Variants in TMEM132D observed in about 807,000 individuals in gnomAD.
The protein encoded by TMEM132D is transmembrane protein 132D.
TMEM132D carries 21 observed loss-of-function variants against 62.3 expected under a neutral mutation model. The observed-to-expected ratio is 0.34, with a 90% CI of 0.24 to 0.49. The LOEUF (loss-of-function observed/expected upper bound fraction) is 0.49, where lower values mean the gene tolerates loss of function less well. Ranked by LOEUF, TMEM132D falls within the 20% of genes least tolerant of loss-of-function variation. The probability of loss-of-function intolerance (pLI) is 0.99; values close to 1 mark genes in which losing one functional copy is unlikely to be tolerated. For missense variants in TMEM132D, 1,346 were observed against 1,402.8 expected, an observed-to-expected ratio of 0.96 and a Z score of 0.65; for synonymous variants, 621 against 575.6, an observed-to-expected ratio of 1.08 and a Z score of -1.13.
intron 5 of TMEM132D, among the ~76,000 whole-genome samples, chr12:129,089,314 ATGACCGGGTGTCCTCCC>A (rs1874807328): frequency 2.7e-5 from 1 of 36,608 alleles, no homozygotes; most frequent in Non-Finnish European, 4.2e-5. Context: ...GGTGTCCTCC[ATGACCGGGTGTCCTCCC>A]TGACCGGGAT....
rs750428688 is a variant in TMEM132D at position 129,209,541 on chromosome 12, C to T, written c.1422G>A (p.Ser474=). The T allele has an allele frequency of 7.6e-6, 12 of 1,569,408 alleles. No individual in the cohort carries two copies. The highest frequency in any genetic ancestry group is 4.5e-5 in the South Asian group (4 of 89,336). The change falls in exon 5 of 9, where the codon TCG becomes TCA. Residue 474 remains serine (S), a synonymous_variant. Transcript: ENST00000422113. ...TTGCCTTAATCACGTCTTCATCAGA[C>T]GATCTACACTCCACAGACTCCAGCA... ...TELLESVECR[S]SDEDVIKVSD...
chr12:129,795,491 C>A (rs969203718), intron 1 of TMEM132D, among the ~76,000 whole-genome samples: 1 of 152,170 alleles, frequency 6.6e-6, no homozygotes, highest in African/African-American at 2.4e-5. Context: ...AACAGTATTT[C>A]GTGGTGCCAA....
At chr12:129,149,786 G>T (rs955765658) in intron 5 of TMEM132D, among the ~76,000 whole-genome samples, 2 of 152,172 alleles carry the variant, frequency 1.3e-5, no homozygotes, top group African/African-American at 4.8e-5. Flanking sequence ...ACAGTGGGTG[G>T]TCACCTCATT....
chr12:129,708,059 A>C (rs1015312882), intron 1 of TMEM132D, among the ~76,000 whole-genome samples: 4 of 152,062 alleles, frequency 2.6e-5, no homozygotes, highest in African/African-American at 4.8e-5. Context: ...TCTACTAAAA[A>C]CACAAAGATC....
intron 4 of TMEM132D, among the ~76,000 whole-genome samples, chr12:129,273,090 G>T (rs1880899249): frequency 6.6e-6 from 1 of 151,756 alleles, no homozygotes; most frequent in Non-Finnish European, 1.5e-5. Flanking sequence ...CAGCTACTTG[G>T]CAGGCTGAGG....
rs188885213 is a variant in TMEM132D at position 129,328,541 on chromosome 12, T to C, written c.1299+9093A>G. Among the ~76,000 whole-genome samples the C allele has an allele frequency of 1.1e-4, 17 of 152,350 alleles. No individual in the cohort carries two copies. The East Asian group carries it at 3.1e-3, about 28-fold the overall frequency. On this transcript the variant is annotated intron_variant, in intron 4 of 8. Transcript: ENST00000422113. ...TTCAGCCGACACCGCCATCTCATTA[T>C]AAATCACCTCTGGAGAGGATGGTTC...
chr12:129,788,614 C>G (rs1720616797), intron 1 of TMEM132D, among the ~76,000 whole-genome samples: 1 of 152,164 alleles, frequency 6.6e-6, no homozygotes, highest in Non-Finnish European at 1.5e-5. Context: ...CAAAGTATGA[C>G]TAAGCTTATT....
intron 1 of TMEM132D, among the ~76,000 whole-genome samples, chr12:129,841,992 G>A (rs1489583226): frequency 8.1e-5 from 12 of 149,008 alleles, no homozygotes; most frequent in Non-Finnish European, 1.2e-4. Flanking sequence ...GTACAGTGGC[G>A]CGATCTCGGC....
At chr12:129,114,254 G>T (rs1427969589) in intron 5 of TMEM132D, among the ~76,000 whole-genome samples, 3 of 152,142 alleles carry the variant, frequency 2.0e-5, no homozygotes, top group Non-Finnish European at 2.9e-5. Context: ...TGTTACAGTG[G>T]GGAGGGGGAT....
intron 5 of TMEM132D, among the ~76,000 whole-genome samples, chr12:129,103,574 A>G (rs1875386628): frequency 6.6e-6 from 1 of 152,194 alleles, no homozygotes; most frequent in South Asian, 2.1e-4. Context: ...TTTATGCATC[A>G]GGTTCCAGAG....
At chr12:129,178,103 G>A (rs1415703187) in intron 5 of TMEM132D, among the ~76,000 whole-genome samples, 2 of 152,270 alleles carry the variant, frequency 1.3e-5, no homozygotes, top group South Asian at 2.1e-4. Flanking sequence ...ATATGATCTT[G>A]TTCCTTTTTA....
At chr12:129,388,707 A>T (rs868817002) in intron 3 of TMEM132D, among the ~76,000 whole-genome samples, 1 of 123,142 alleles carries the variant, frequency 8.1e-6, no homozygotes, top group Admixed American at 7.9e-5. Flanking sequence ...CAGCACTGAT[A>T]ATATTAACAC....
chr12:129,543,667 T>TC (rs1301183865), intron 2 of TMEM132D, among the ~76,000 whole-genome samples: 1 of 152,200 alleles, frequency 6.6e-6, no homozygotes. Context: ...CCATGGGTGG[T>TC]CCAAGTATGG....
intron 5 of TMEM132D, among the ~76,000 whole-genome samples, chr12:129,202,297 T>G (rs1214627296): frequency 6.6e-6 from 1 of 152,220 alleles, no homozygotes; most frequent in African/African-American, 2.4e-5. Context: ...CCCTTGGCTT[T>G]CTTTCTTAAC....
chr12:129,796,098 G>A (rs1314154740), intron 1 of TMEM132D, among the ~76,000 whole-genome samples: 2 of 152,242 alleles, frequency 1.3e-5, no homozygotes, highest in Non-Finnish European at 2.9e-5. Flanking sequence ...ACTTTGGGAG[G>A]CTGAGGAGGG....
intron 6 of TMEM132D, among the ~76,000 whole-genome samples, chr12:129,082,871 T>C (rs11060125): frequency 0.24 from 36,073 of 152,130 alleles, 4,810 homozygotes; most frequent in South Asian, 0.3. Flanking sequence ...CTTGGACTAC[T>C]GTGCAAGCCA....
chr12:129,088,762 C>CG (rs1451125362), intron 5 of TMEM132D, among the ~76,000 whole-genome samples: 1 of 41,154 alleles, frequency 2.4e-5, no homozygotes, highest in Non-Finnish European at 4.3e-5. Flanking sequence ...CCTCCATGAC[C>CG]GGGTGTCCTC....
At chr12:129,577,219 G>A (rs571724447) in intron 2 of TMEM132D, among the ~76,000 whole-genome samples, 6 of 151,900 alleles carry the variant, frequency 3.9e-5, no homozygotes, top group Non-Finnish European at 8.8e-5. Context: ...ATGGCTAGCA[G>A]CACACAGGGA....
chr12:129,687,090 G>T (rs1880946970), intron 2 of TMEM132D, among the ~76,000 whole-genome samples: 1 of 152,164 alleles, frequency 6.6e-6, no homozygotes, highest in Non-Finnish European at 1.5e-5. Context: ...GTTGTCCTGA[G>T]TACTGTCTGT....
Sources: gnomAD v4.1 joint callset for allele counts (sites outside exome capture counted in the v4.1 genomes callset) on GRCh38, gnomAD v4.1.1 for gene constraint, MANE v1.5 for transcripts, NCBI Gene and HGNC (gene_info 2026-07-23, HGNC 2026-07-21) for gene names.